NEK1: variants seen among roughly 807,000 people sequenced by gnomAD.
NEK1 encodes the protein NIMA related kinase 1.
Under a neutral mutation model 182.1 loss-of-function variants are expected in NEK1, and 137 were observed. That is an observed-to-expected ratio of 0.75 (90% CI 0.65 to 0.87). The LOEUF (loss-of-function observed/expected upper bound fraction) is 0.87. NEK1 is among the 40% of genes least tolerant of loss of function. NEK1 has a pLI of 0.00. For missense variants in NEK1, 1,391 were observed against 1,494.4 expected (o/e 0.93, Z 1.14); for synonymous variants, 513 against 492.2 (o/e 1.04, Z -0.56).
chr4:169,558,761 C>G (rs1386815423), intron 16 of NEK1, among the ~76,000 whole-genome samples: 1 of 151,978 alleles, frequency 6.6e-6, no homozygotes, highest in African/African-American at 2.4e-5. Context: ...CAAAGAAGGT[C>G]CAGATTTTGC....
At chr4:169,477,553 T>A in intron 24 of NEK1, 56 bp from the exon 25 acceptor site, 1 of 1,253,232 alleles carries the variant, frequency 8.0e-7, no homozygotes, top group Non-Finnish European at 1.1e-6. Context: ...TAAATCTACC[T>A]TTAAAAATAT....
intron 31 of NEK1, among the ~76,000 whole-genome samples, chr4:169,411,919 T>C (rs1399915885): frequency 6.6e-6 from 1 of 152,214 alleles, no homozygotes; most frequent in Non-Finnish European, 1.5e-5. Flanking sequence ...AATACCTTCA[T>C]ACCTGACTAG....
chr4:169,464,731 T>C (rs1437659921), intron 26 of NEK1, among the ~76,000 whole-genome samples: 1 of 152,118 alleles, frequency 6.6e-6, no homozygotes, highest in Non-Finnish European at 1.5e-5. Flanking sequence ...CATTTCTATA[T>C]ATTAAACAGA....
Position 169,562,187 on chromosome 4 carries a change from T to C in NEK1, c.1030A>G (p.Thr344Ala), listed in dbSNP as rs780547342. ...PLQKHKQAHQ[T>A]PEKRVNTGEE... ...CCAGTATTCACTCTCTTCTCTGGAG[T>C]TTGATGGGCCTGGACAAAAAGTAAA... The change falls in exon 13 of 36, where the codon ACT becomes GCT. Residue 344 changes from threonine (T) to alanine (A), a missense_variant. Coordinates refer to ENST00000507142, the MANE Select transcript of NEK1 (RefSeq NM_001199397.3). 2.1e-5 allele frequency: 33 copies of C among 1,545,512 alleles called. No homozygotes were observed. Among genetic ancestry groups the C allele is most frequent in the Non-Finnish European group, 2.8e-5 (32 of 1,143,228 alleles).
At chr4:169,503,016 G>A (rs1467122968) in intron 23 of NEK1, among the ~76,000 whole-genome samples, 2 of 152,032 alleles carry the variant, frequency 1.3e-5, no homozygotes, top group Non-Finnish European at 2.9e-5. Flanking sequence ...CTTGATGAGT[G>A]ACTTCAGTAA....
chr4:169,510,197 C>T (rs138408247), intron 19 of NEK1, among the ~76,000 whole-genome samples: 19 of 152,246 alleles, frequency 1.2e-4, no homozygotes, highest in African/African-American at 3.6e-4. Context: ...TCTTCTCATC[C>T]CCAGGCTTTA....
chr4:169,497,770 T>C (rs1475412505), intron 23 of NEK1, among the ~76,000 whole-genome samples: 1 of 152,136 alleles, frequency 6.6e-6, no homozygotes, highest in South Asian at 2.1e-4. Context: ...GTCTGAGAGA[T>C]AGTTTGTTAT....
intron 18 of NEK1, among the ~76,000 whole-genome samples, chr4:169,543,930 CAG>C: frequency 6.6e-6 from 1 of 152,318 alleles, no homozygotes; most frequent in East Asian, 1.9e-4. Flanking sequence ...TATCTGCAAA[CAG>C]AGACAATTTG....
chr4:169,489,184 T>A (rs910633881), intron 23 of NEK1, among the ~76,000 whole-genome samples: 1 of 152,198 alleles, frequency 6.6e-6, no homozygotes, highest in African/African-American at 2.4e-5. Context: ...TGTGTTACTA[T>A]TCACCAGGTA....
intron 12 of NEK1, among the ~76,000 whole-genome samples, chr4:169,564,889 T>C (rs1033232510): frequency 6.6e-6 from 1 of 152,208 alleles, no homozygotes; most frequent in Non-Finnish European, 1.5e-5. Flanking sequence ...TTTATTGGTA[T>C]GTTTTAACTC....
chr4:169,585,589 TAA>T, intron 9 of NEK1, 40 bp from the exon 10 acceptor site: 1 of 1,351,642 alleles, frequency 7.4e-7, no homozygotes, highest in Non-Finnish European at 1.0e-6. Flanking sequence ...GAAACATATA[TAA>T]ATTGAAACTG....
chr4:169,590,672 T>A, intron 6 of NEK1, 54 bp downstream of exon 6: 1 of 1,355,400 alleles, frequency 7.4e-7, no homozygotes, highest in South Asian at 1.3e-5. Flanking sequence ...CCCAAAACAA[T>A]GAAGGTTCCA....
chr4:169,527,830 C>T (rs1208712519), intron 19 of NEK1, among the ~76,000 whole-genome samples: 6 of 151,906 alleles, frequency 3.9e-5, no homozygotes, highest in South Asian at 2.1e-4. Flanking sequence ...TTACATTAAA[C>T]GTCTTTAAGT....
intron 26 of NEK1, among the ~76,000 whole-genome samples, chr4:169,472,921 G>A (rs1052763232): frequency 1.3e-5 from 2 of 152,062 alleles, no homozygotes; most frequent in East Asian, 3.8e-4. Flanking sequence ...TACAGTATGT[G>A]ATTAGTTCTT....
chr4:169,423,067 A>T (rs6824260), intron 31 of NEK1, among the ~76,000 whole-genome samples: 1 of 152,148 alleles, frequency 6.6e-6, no homozygotes, highest in Non-Finnish European at 1.5e-5. Flanking sequence ...AAATGAAAGT[A>T]TACCCAGTTG....
intron 20 of NEK1, 46 bp downstream of exon 20, chr4:169,508,723 C>A (rs538686150): frequency 2.7e-4 from 381 of 1,408,378 alleles, no homozygotes; most frequent in Non-Finnish European, 3.4e-4. Flanking sequence ...GCAATAAATT[C>A]AAAAATGGCT....
chr4:169,469,707 T>C (rs1579944377), intron 26 of NEK1, among the ~76,000 whole-genome samples: 1 of 152,240 alleles, frequency 6.6e-6, no homozygotes, highest in African/African-American at 2.4e-5. Flanking sequence ...ATGTCTAATA[T>C]TGACAGTGGG....
At chr4:169,603,526 T>G (rs1344760262) in intron 2 of NEK1, among the ~76,000 whole-genome samples, 1 of 152,158 alleles carries the variant, frequency 6.6e-6, no homozygotes, top group Non-Finnish European at 1.5e-5. Flanking sequence ...TACAGAAGTG[T>G]TGGAAGAATT....
intron 12 of NEK1, among the ~76,000 whole-genome samples, chr4:169,565,553 G>T (rs1388221322): frequency 3.9e-5 from 6 of 152,038 alleles, no homozygotes; most frequent in Non-Finnish European, 7.4e-5. Context: ...TTAAACAGTG[G>T]GGAACATTAC....
Sources: allele counts gnomAD v4.1 joint callset (sites outside exome capture counted in the v4.1 genomes callset), GRCh38; gene constraint gnomAD v4.1.1; transcripts MANE v1.5; gene names NCBI Gene and HGNC (gene_info 2026-07-23, HGNC 2026-07-21).